The following GAN variants were observed in gnomAD, a reference collection of about 807,000 sequenced individuals.
GAN encodes the protein epididymis secretory sperm binding protein.
GAN carries 48 observed loss-of-function variants against 71.3 expected under a neutral mutation model. The observed-to-expected ratio is 0.67, with a 90% CI of 0.53 to 0.86. The LOEUF (loss-of-function observed/expected upper bound fraction) is 0.86. Ranked by LOEUF, GAN falls within the 40% of genes least tolerant of loss-of-function variation. The pLI, the probability that GAN is intolerant of heterozygous loss-of-function variation, is 0.00. For synonymous variants in GAN, 386 were observed against 276.8 expected (o/e 1.39, Z -3.92); for missense variants, 928 against 770.1 (o/e 1.21, Z -2.43).
intron 7 of GAN, 65 bp from the exon 8 acceptor site, chr16:81,364,909 A>G: frequency 2.0e-6 from 3 of 1,501,568 alleles, no homozygotes; most frequent in Admixed American, 1.7e-5. Context: ...AGACAGTTTA[A>G]TATCTGTTCA....
rs1265963955 is a variant in GAN, at chr16:81,387,702, G to A, written c.*10106G>A. 1.3e-5 allele frequency: 2 copies of A among 152,208 alleles called. No homozygotes were observed. The highest frequency in any genetic ancestry group is 2.4e-5 in the African/African-American group (1 of 41,408). 9.4% of individuals were successfully genotyped at this position (152,208 alleles called of 1,614,324 possible). On this transcript the variant is annotated 3_prime_UTR_variant, in exon 11 of 11. Transcript: ENST00000648994. The stretch of plus-strand genomic sequence containing the variant: ...GTGTTGGTGGGCCCCTGTAATCCCA[G>A]CTACTCGGGAGGTTGAGGGAGGAGA...
At chr16:81,337,259 T>C (rs924237625) in intron 1 of GAN, among the ~76,000 whole-genome samples, 1 of 152,190 alleles carries the variant, frequency 6.6e-6, no homozygotes, top group Admixed American at 6.5e-5. Context: ...TCCTGATAGC[T>C]ACACAATCCA....
intron 7 of GAN, among the ~76,000 whole-genome samples, 183 bp from the exon 8 acceptor site, chr16:81,364,791 T>A (rs1424107365): frequency 6.6e-6 from 1 of 152,224 alleles, no homozygotes. Context: ...AGAATATGTG[T>A]CTTACTTTGC....
intron 1 of GAN, among the ~76,000 whole-genome samples, chr16:81,316,971 G>A (rs1909064971): frequency 2.0e-5 from 3 of 152,162 alleles, no homozygotes; most frequent in Non-Finnish European, 4.4e-5. Flanking sequence ...CGATTCTCCT[G>A]CCTCAGCCTC....
At chr16:81,335,601 G>T (rs1909729460) in intron 1 of GAN, among the ~76,000 whole-genome samples, 1 of 152,030 alleles carries the variant, frequency 6.6e-6, no homozygotes. Flanking sequence ...ACAAAAATTA[G>T]CTGGGTGTGG....
At chr16:81,359,701 G>T (rs1910608561) in intron 5 of GAN, among the ~76,000 whole-genome samples, 1 of 152,088 alleles carries the variant, frequency 6.6e-6, no homozygotes, top group Non-Finnish European at 1.5e-5. Flanking sequence ...TGCATTCCAA[G>T]ACCCCCGAGT....
Position 81,378,691 on chromosome 16 carries a change from T to C in GAN, c.*1095T>C, listed in dbSNP as rs1904290598. On this transcript the variant is annotated 3_prime_UTR_variant, in exon 11 of 11. Coordinates refer to ENST00000648994, the MANE Select transcript of GAN (RefSeq NM_022041.4). ...CCAGTGGCATTCACTAGTGAGAGTT[T>C]TAGACAAATTATGTTACGAGTAAAG... 6.5e-6 allele frequency: 1 copy of C among 152,760 alleles called. No homozygotes were observed. The highest frequency in any genetic ancestry group is 1.9e-4 in the East Asian group (1 of 5,190). The allele number at this position is 152,760 out of a possible 1,614,324, so 9.5% of individuals were successfully genotyped here. A position where few individuals can be genotyped will look rare whatever the true frequency, so the allele number is the denominator to read the frequency against.
In GAN at chr16:81,377,322, G is replaced by T; in HGVS notation, c.1606G>T (p.Asp536Tyr). 1 of 1,590,406 alleles carries T rather than the reference G, an allele frequency of 6.3e-7. No individual in the cohort carries two copies. Among genetic ancestry groups the T allele is most frequent in the Non-Finnish European group, 8.6e-7 (1 of 1,158,402 alleles). The change falls in exon 10 of 11, where the codon GAT becomes TAT. Residue 536 changes from aspartate (D) to tyrosine (Y), a missense_variant. Physicochemically the swap from Asp to Tyr is radical, Grantham distance 160. Transcript: ENST00000648994. ...CAGTATTTATGTTATTGGAGATCTT[G>T]ATACAGGTAAGAGTGTTACAGTGAT... ...GASIYVIGDL[D>Y]TGTNYDYVRE...
chr16:81,332,988 C>G (rs1207197563), intron 1 of GAN, among the ~76,000 whole-genome samples: 1 of 151,964 alleles, frequency 6.6e-6, no homozygotes, highest in Non-Finnish European at 1.5e-5. Context: ...GCCTGTAATC[C>G]CAGCACTTTG....
rs1490997542 is a variant in GAN at position 81,356,913 on chromosome 16, C to G, written c.762C>G (p.Ser254Arg). Residue 254 changes from serine to arginine, a missense_variant, in exon 4 of 11, where the codon AGC (serine) becomes AGG (arginine). Transcript: ENST00000648994. ...IVKECSNIPL[S>R]QPQQGEAMLA... ...AAGAGTGTAGCAATATACCGCTCAG[C>G]CAGCCGCAGCAAGGGGAGGCGATGC... is the stretch of plus-strand genomic sequence containing the variant. The G allele has an allele frequency of 4.3e-6, 7 of 1,613,590 alleles. No individual in the cohort carries two copies. The highest frequency in any genetic ancestry group is 5.9e-6 in the Non-Finnish European group (7 of 1,179,686).
At chr16:81,345,252 C>T (rs1359505608) in intron 1 of GAN, among the ~76,000 whole-genome samples, 3 of 152,090 alleles carry the variant, frequency 2.0e-5, no homozygotes, top group Admixed American at 6.5e-5. Flanking sequence ...CATTACTGGG[C>T]GTATACCCAA....
chr16:81,319,009 A>G (rs1257826129), intron 1 of GAN, among the ~76,000 whole-genome samples: 1 of 151,860 alleles, frequency 6.6e-6, no homozygotes, highest in Admixed American at 6.6e-5. Context: ...TTTGTTGGGG[A>G]AACTAAACCT....
At chr16:81,320,894 C>T (rs1286574563) in intron 1 of GAN, among the ~76,000 whole-genome samples, 2 of 152,010 alleles carry the variant, frequency 1.3e-5, no homozygotes. Flanking sequence ...TAATGGTTCT[C>T]AGTGATTTTC....
chr16:81,357,896 G>A lies in GAN; in HGVS notation c.938G>A (p.Ser313Asn), dbSNP rs200403701. ...CTTTGGATCGAACTGGCCCCTTTAA[G>A]CATGCCGAGAATTAACCATGGAGTT... ...RQLWIELAPL[S>N]MPRINHGVLS... Residue 313 changes from serine (S) to asparagine (N), a missense_variant, in exon 5 of 11, where the codon AGC becomes AAC. Coordinates refer to ENST00000648994, the MANE Select transcript of GAN (RefSeq NM_022041.4). 1.2e-6 allele frequency: 2 copies of A among 1,613,896 alleles called. No individual in the cohort carries two copies. Among genetic ancestry groups the A allele is most frequent in the African/African-American group, 1.3e-5 (1 of 75,040 alleles).
intron 9 of GAN, among the ~76,000 whole-genome samples, chr16:81,368,434 A>G (rs1053244320): frequency 2.6e-5 from 4 of 152,204 alleles, no homozygotes; most frequent in Admixed American, 6.5e-5. Flanking sequence ...CCTTGTCTCT[A>G]TGAATTTTGA....
intron 9 of GAN, among the ~76,000 whole-genome samples, chr16:81,369,282 C>T (rs76729922): frequency 0.019 from 2,831 of 152,200 alleles, 106 homozygotes; most frequent in African/African-American, 0.065. Context: ...TGGAAGTCCC[C>T]GGAGCTCTGC....
chr16:81,360,621 A>G (rs1910642984), intron 5 of GAN, among the ~76,000 whole-genome samples: 2 of 151,976 alleles, frequency 1.3e-5, no homozygotes, highest in South Asian at 2.1e-4. Flanking sequence ...TTACAGGAGA[A>G]TAACTTAATC....
chr16:81,318,600 A>T (rs1909122783), intron 1 of GAN, among the ~76,000 whole-genome samples: 1 of 152,178 alleles, frequency 6.6e-6, no homozygotes, highest in South Asian at 2.1e-4. Flanking sequence ...CTGGGAATTA[A>T]AGTAACTTGT....
chr16:81,332,540 G>T (rs553235050), intron 1 of GAN, among the ~76,000 whole-genome samples: 23 of 152,342 alleles, frequency 1.5e-4, no homozygotes, highest in African/African-American at 5.1e-4. Context: ...ATGCCTGCAA[G>T]TGCTCAGCCA....
Sources: gnomAD v4.1 joint callset for allele counts (sites outside exome capture counted in the v4.1 genomes callset) on GRCh38, gnomAD v4.1.1 for gene constraint, MANE v1.5 for transcripts, NCBI Gene and HGNC (gene_info 2026-07-23, HGNC 2026-07-21) for gene names.